The following CHP1 variants were observed in gnomAD, a reference collection of about 807,000 sequenced individuals.
The protein encoded by CHP1 is calcineurin like EF-hand protein 1.
A neutral mutation model predicts 27.4 loss-of-function variants in CHP1; 11 were observed. The observed-to-expected ratio is 0.40, with a 90% CI of 0.25 to 0.67. CHP1 has a LOEUF of 0.67. Ranked by LOEUF, CHP1 falls within the 30% of genes least tolerant of loss-of-function variation. CHP1 has a pLI of 0.38. For missense variants in CHP1, 169 were observed against 251.3 expected, an observed-to-expected ratio of 0.67 and a Z score of 2.22; for synonymous variants, 89 against 87.4, an observed-to-expected ratio of 1.02 and a Z score of -0.10.
intron 1 of CHP1, among the ~76,000 whole-genome samples, chr15:41,241,511 T>C (rs2047306957): frequency 6.6e-6 from 1 of 152,236 alleles, no homozygotes; most frequent in African/African-American, 2.4e-5. Flanking sequence ...AGAATCTGTC[T>C]GCCTAACCCT....
chr15:41,266,011 C>T (rs1032879616), intron 4 of CHP1, among the ~76,000 whole-genome samples: 4 of 151,808 alleles, frequency 2.6e-5, no homozygotes, highest in Middle Eastern at 3.4e-3. Flanking sequence ...AGGCCAGGCG[C>T]GGTGGCTCAT....
chr15:41,263,669 G>A (rs1362755447), intron 4 of CHP1, among the ~76,000 whole-genome samples: 1 of 152,204 alleles, frequency 6.6e-6, no homozygotes, highest in Non-Finnish European at 1.5e-5. Flanking sequence ...GAGCCCAGGA[G>A]TTTGAGACCA....
intron 2 of CHP1, among the ~76,000 whole-genome samples, chr15:41,245,930 G>T (rs988879649): frequency 6.6e-6 from 1 of 152,066 alleles, no homozygotes; most frequent in African/African-American, 2.4e-5. Flanking sequence ...GGGCTTTATG[G>T]TTTTAGTTCT....
chr15:41,242,643 T>C (rs1021868888), intron 1 of CHP1, among the ~76,000 whole-genome samples: 1 of 145,696 alleles, frequency 6.9e-6, no homozygotes, highest in African/African-American at 2.5e-5. Flanking sequence ...AAAATAAAAT[T>C]TAAAAAATAA....
At chr15:41,270,310 G>A (rs996286362) in intron 4 of CHP1, among the ~76,000 whole-genome samples, 1 of 151,976 alleles carries the variant, frequency 6.6e-6, no homozygotes, top group African/African-American at 2.4e-5. Flanking sequence ...AAGGACATTT[G>A]GCTTTCTTTG....
intron 2 of CHP1, among the ~76,000 whole-genome samples, chr15:41,246,624 CTTTTTT>C (rs561426550): frequency 5.2e-5 from 3 of 57,284 alleles, no homozygotes; most frequent in Non-Finnish European, 6.4e-5. Context: ...GGCCAAAAAG[CTTTTTT>C]TTTTTTTTTT....
intron 2 of CHP1, among the ~76,000 whole-genome samples, chr15:41,254,096 T>A (rs530281062): frequency 8.5e-5 from 13 of 152,224 alleles, no homozygotes; most frequent in Admixed American, 5.2e-4. Flanking sequence ...CCCAGCCCTC[T>A]TTCTTTTTAA....
At chr15:41,261,758 T>C (rs2047434032) in intron 3 of CHP1, among the ~76,000 whole-genome samples, 1 of 151,972 alleles carries the variant, frequency 6.6e-6, no homozygotes, top group Admixed American at 6.6e-5. Flanking sequence ...CTTGGGAGGC[T>C]GAGGCGGGCA....
chr15:41,256,782 T>C (rs557265603), intron 2 of CHP1, 128 bp from the exon 3 acceptor site: 1 of 745,984 alleles, frequency 1.3e-6, no homozygotes, highest in East Asian at 2.7e-5. Flanking sequence ...TTATTTGGTA[T>C]AATTTGCCAC....
chr15:41,250,724 G>A (rs1483295316), intron 2 of CHP1, among the ~76,000 whole-genome samples: 1 of 149,574 alleles, frequency 6.7e-6, no homozygotes, highest in African/African-American at 2.4e-5. Context: ...AGTCTAAGAA[G>A]GTTCACCTAA....
chr15:41,279,219 A>C (rs527527571), intron 6 of CHP1, 117 bp from the exon 7 acceptor site: 1 of 894,138 alleles, frequency 1.1e-6, no homozygotes, highest in Non-Finnish European at 1.7e-6. Flanking sequence ...CCAAAAAAAA[A>C]AAAAAAAGTT....
intron 2 of CHP1, among the ~76,000 whole-genome samples, chr15:41,251,940 C>T (rs2047370601): frequency 6.6e-6 from 1 of 151,548 alleles, no homozygotes; most frequent in African/African-American, 2.4e-5. Context: ...CAGGGTTTCT[C>T]CATATTGGTC....
At chr15:41,251,804 CTTT>C (rs568323569) in intron 2 of CHP1, among the ~76,000 whole-genome samples, 2 of 134,076 alleles carry the variant, frequency 1.5e-5, no homozygotes. Flanking sequence ...TGCCAGCTGC[CTTT>C]TTTTTTTTTT....
At chr15:41,243,938 C>T (rs1188903581) in intron 2 of CHP1, among the ~76,000 whole-genome samples, 199 bp downstream of exon 2, 1 of 152,130 alleles carries the variant, frequency 6.6e-6, no homozygotes, top group East Asian at 1.9e-4. Context: ...CGGTGGCTCA[C>T]GCCTTAATCC....
chr15:41,251,813 T>A (rs2047368515), intron 2 of CHP1, among the ~76,000 whole-genome samples: 1 of 151,996 alleles, frequency 6.6e-6, no homozygotes, highest in Non-Finnish European at 1.5e-5. Context: ...CCTTTTTTTT[T>A]TTTTTTTTAA....
intron 3 of CHP1, among the ~76,000 whole-genome samples, chr15:41,260,674 C>T (rs938874165): frequency 1.4e-4 from 22 of 151,994 alleles, no homozygotes; most frequent in African/African-American, 5.1e-4. Flanking sequence ...GGATTATAGA[C>T]GTGAGCCACT....
chr15:41,238,556 A>AT (rs1189928212), intron 1 of CHP1, among the ~76,000 whole-genome samples: 1 of 151,936 alleles, frequency 6.6e-6, no homozygotes, highest in Non-Finnish European at 1.5e-5. Context: ...AGACATGTTT[A>AT]TAGCAGGGCA....
intron 2 of CHP1, among the ~76,000 whole-genome samples, chr15:41,249,319 A>G (rs1433859734): frequency 6.6e-6 from 1 of 151,570 alleles, no homozygotes; most frequent in African/African-American, 2.4e-5. Context: ...TGCCTGGCTA[A>G]CTTTTGTATT....
At position 41,270,540 on chromosome 15, in the gene CHP1, G is replaced by A. The variant is rs1206264435; in HGVS notation, c.350-17G>A. 3 of 1,607,130 alleles carry A rather than the reference G, an allele frequency of 1.9e-6. No homozygotes were observed. In the South Asian group the frequency reaches 3.3e-5, roughly 18 times the overall value. On this transcript the variant is annotated splice_polypyrimidine_tract_variant and intron_variant, in intron 4 of 6. Coordinates refer to ENST00000334660, the MANE Select transcript of CHP1 (RefSeq NM_007236.5). Reference sequence around the variant, plus strand: ...ACACTACAGAATTTTGACTAACTTTGTGTTTTTCCCTTACAGTTGCTTTTC... The same window carrying A: ...ACACTACAGAATTTTGACTAACTTTATGTTTTTCCCTTACAGTTGCTTTTC...
Sources: allele counts gnomAD v4.1 joint callset (sites outside exome capture counted in the v4.1 genomes callset), GRCh38; gene constraint gnomAD v4.1.1; transcripts MANE v1.5; gene names NCBI Gene and HGNC (gene_info 2026-07-23, HGNC 2026-07-21).